The following FBXL7 variants were observed in gnomAD, a reference collection of about 807,000 sequenced individuals.
The protein encoded by FBXL7 is F-box and leucine rich repeat protein 7, also known as F-box/LRR-repeat protein 7.
In FBXL7, 12 loss-of-function variants were observed where a neutral mutation model predicts 38.3. That is an observed-to-expected ratio of 0.31 (90% CI 0.20 to 0.51). FBXL7 has a LOEUF of 0.51. FBXL7 is among the 20% of genes least tolerant of loss of function. The pLI is 0.98. For synonymous variants in FBXL7, 297 were observed against 300.9 expected (o/e 0.99, Z 0.13); for missense variants, 567 against 676.4 (o/e 0.84, Z 1.79).
chr5:15,520,347 G>T (rs1737063970), intron 1 of FBXL7, among the ~76,000 whole-genome samples: 2 of 152,238 alleles, frequency 1.3e-5, no homozygotes, highest in South Asian at 2.1e-4. Context: ...GAGTTGCTCT[G>T]GTTCACACGC....
At chr5:15,840,866 A>G (rs1042910981) in intron 2 of FBXL7, among the ~76,000 whole-genome samples, 1 of 150,678 alleles carries the variant, frequency 6.6e-6, no homozygotes, top group African/African-American at 2.5e-5. Flanking sequence ...AAAAAAAAAA[A>G]AGTTATAGAT....
chr5:15,938,916 C>T lies in FBXL7; in HGVS notation c.*1730C>T, dbSNP rs556503619. The T allele has an allele frequency of 1.1e-4, 44 of 398,822 alleles. 1 individual carries two copies. The highest frequency in any genetic ancestry group is 6.4e-4 in the South Asian group (5 of 7,814). 24.7% of individuals were successfully genotyped at this position (398,822 alleles called of 1,614,324 possible). A position where few individuals can be genotyped will look rare whatever the true frequency, so the allele number is the denominator to read the frequency against. On this transcript the variant is annotated 3_prime_UTR_variant, in exon 4 of 4. Transcript: ENST00000504595. ...CTCTAGCCAAGCCCCACCTTTGTTA[C>T]GTTGAAATCCCTCATTTATTTTCTT...
chr5:15,808,011 C>T (rs2126749270), intron 2 of FBXL7, among the ~76,000 whole-genome samples: 1 of 152,262 alleles, frequency 6.6e-6, no homozygotes, highest in East Asian at 1.9e-4. Context: ...CCACTGTCTT[C>T]CCCCGTGACC....
Position 15,905,525 on chromosome 5 carries a change from G to GT in FBXL7, c.128-22354dup, listed in dbSNP as rs201820723. ...ATAATTAATATGGAAAAATGGTGTT[G>GT]TTTTTTTTTTTGTATCTTCAGTCCT... On this transcript the variant is annotated intron_variant, in intron 2 of 3. Coordinates refer to ENST00000504595, the MANE Select transcript of FBXL7 (RefSeq NM_012304.5). 9.4e-3 allele frequency among the ~76,000 whole-genome samples: 1,323 copies of GT among 141,286 alleles called. 19 individuals carry two copies. The highest frequency in any genetic ancestry group is 0.049 in the South Asian group (220 of 4,524). 92.7% of individuals were successfully genotyped at this position (141,286 alleles called of 152,430 possible).
chr5:15,620,938 G>A (rs372673360), intron 2 of FBXL7, among the ~76,000 whole-genome samples: 3 of 152,242 alleles, frequency 2.0e-5, no homozygotes, highest in East Asian at 3.9e-4. Flanking sequence ...TAAAGACATC[G>A]AATTTATCCA....
At chr5:15,876,333 G>A (rs1444388620) in intron 2 of FBXL7, among the ~76,000 whole-genome samples, 1 of 152,008 alleles carries the variant, frequency 6.6e-6, no homozygotes, top group African/African-American at 2.4e-5. Flanking sequence ...AACCACCATG[G>A]CACATGTATA....
At chr5:15,730,895 T>C (rs931847524) in intron 2 of FBXL7, among the ~76,000 whole-genome samples, 2 of 152,184 alleles carry the variant, frequency 1.3e-5, no homozygotes, top group African/African-American at 4.8e-5. Context: ...TTAGTGACAA[T>C]AGAATTCATT....
chr5:15,515,612 A>C (rs1421727371), intron 1 of FBXL7, among the ~76,000 whole-genome samples: 3 of 152,204 alleles, frequency 2.0e-5, no homozygotes, highest in Non-Finnish European at 1.5e-5. Flanking sequence ...AGAATACTGA[A>C]GAAAAAATAC....
intron 2 of FBXL7, among the ~76,000 whole-genome samples, chr5:15,794,808 T>G (rs2126734826): frequency 6.6e-6 from 1 of 152,298 alleles, no homozygotes; most frequent in Non-Finnish European, 1.5e-5. Flanking sequence ...AGCTATTGTT[T>G]GCAACCTAAT....
chr5:15,905,267 T>C (rs1480063061), intron 2 of FBXL7, among the ~76,000 whole-genome samples: 1 of 152,204 alleles, frequency 6.6e-6, no homozygotes, highest in African/African-American at 2.4e-5. Context: ...AACACTGAAG[T>C]TTCTCTTTTT....
chr5:15,748,023 A>T (rs1367589358), intron 2 of FBXL7, among the ~76,000 whole-genome samples: 2 of 151,952 alleles, frequency 1.3e-5, no homozygotes, highest in Admixed American at 6.6e-5. Flanking sequence ...GTTCTCAATC[A>T]GGAGTGATTT....
intron 2 of FBXL7, among the ~76,000 whole-genome samples, chr5:15,809,448 A>C (rs1054624394): frequency 6.6e-6 from 1 of 152,210 alleles, no homozygotes; most frequent in African/African-American, 2.4e-5. Flanking sequence ...GACCAATAAT[A>C]GAATTAACTT....
chr5:15,582,703 A>C (rs1739179186), intron 1 of FBXL7, among the ~76,000 whole-genome samples: 1 of 152,236 alleles, frequency 6.6e-6, no homozygotes, highest in Admixed American at 6.5e-5. Flanking sequence ...GGGAAGTCTT[A>C]GGTGAAAGAC....
chr5:15,703,436 G>T (rs1743588860), intron 2 of FBXL7, among the ~76,000 whole-genome samples: 4 of 152,100 alleles, frequency 2.6e-5, no homozygotes, highest in Admixed American at 2.6e-4. Flanking sequence ...TGAAGTGTCT[G>T]GTAATACTGA....
At chr5:15,527,843 AC>A (rs1229865179) in intron 1 of FBXL7, among the ~76,000 whole-genome samples, 2 of 152,124 alleles carry the variant, frequency 1.3e-5, no homozygotes, top group East Asian at 1.9e-4. Context: ...AACCGAACAT[AC>A]CCAATATCTG....
At chr5:15,903,558 G>T (rs762783383) in intron 2 of FBXL7, among the ~76,000 whole-genome samples, 1 of 151,854 alleles carries the variant, frequency 6.6e-6, no homozygotes, top group Non-Finnish European at 1.5e-5. Flanking sequence ...TTTTAATAGA[G>T]TTTTTTTTGG....
chr5:15,512,425 T>A (rs185256427), intron 1 of FBXL7, among the ~76,000 whole-genome samples: 1 of 152,334 alleles, frequency 6.6e-6, no homozygotes, highest in Admixed American at 6.5e-5. Context: ...AGGTCTTCAA[T>A]ATAGTTTTGT....
At chr5:15,885,111 G>A (rs1740623307) in intron 2 of FBXL7, among the ~76,000 whole-genome samples, 1 of 152,184 alleles carries the variant, frequency 6.6e-6, no homozygotes. Context: ...GTCATCTCAA[G>A]GCTGGACCAG....
chr5:15,816,411 T>C (rs987359441), intron 2 of FBXL7, among the ~76,000 whole-genome samples: 2 of 152,166 alleles, frequency 1.3e-5, no homozygotes, highest in Non-Finnish European at 2.9e-5. Flanking sequence ...ATACCCTAAG[T>C]TCTCACTTAC....
Sources: allele counts gnomAD v4.1 joint callset (sites outside exome capture counted in the v4.1 genomes callset), GRCh38; gene constraint gnomAD v4.1.1; transcripts MANE v1.5; gene names NCBI Gene and HGNC (gene_info 2026-07-23, HGNC 2026-07-21).